PLCB1: variants seen among roughly 807,000 people sequenced by gnomAD.
The protein encoded by PLCB1 is 1-phosphatidylinositol 4,5-bisphosphate phosphodiesterase beta-1.
PLCB1 carries 46 observed loss-of-function variants against 161.8 expected under a neutral mutation model. That is an observed-to-expected ratio of 0.28 (90% CI 0.22 to 0.36). The LOEUF (loss-of-function observed/expected upper bound fraction) is 0.36, where lower values mean the gene tolerates loss of function less well. PLCB1 is among the 10% of genes least tolerant of loss of function. PLCB1 has a pLI of 1.00. For missense variants in PLCB1, 1,016 were observed against 1,472.5 expected (o/e 0.69, Z 5.07); for synonymous variants, 517 against 503.7 (o/e 1.03, Z -0.35).
intron 31 of PLCB1, among the ~76,000 whole-genome samples, chr20:8,838,017 G>A (rs1986355841): frequency 2.0e-5 from 3 of 151,556 alleles, no homozygotes; most frequent in Admixed American, 2.0e-4. Context: ...AAAAGAGATA[G>A]GCTGGTGACT....
At chr20:8,750,212 C>T (rs112266097) in intron 23 of PLCB1, among the ~76,000 whole-genome samples, 1 of 152,164 alleles carries the variant, frequency 6.6e-6, no homozygotes, top group Non-Finnish European at 1.5e-5. Context: ...CACTTGAACC[C>T]ATGCTCCAGT....
In PLCB1 at chr20:8,790,222, C is replaced by A. The variant is rs760705543; in HGVS notation, c.3384C>A (p.His1128Gln). ...GGCAAGAAAAACTCGTAGAGAAACA[C>A]AAGGAAATACGTCAGCAGATCCTGG... ...SKRQEKLVEK[H>Q]KEIRQQILDE... is the part of the protein sequence containing the mutation. Residue 1128 changes from histidine (H) to glutamine (Q), a missense_variant, in exon 31 of 32, where the codon CAC (histidine) becomes CAA (glutamine). Around this residue, in one of 10 missense-constraint regions of PLCB1, gnomAD observed 398 missense variants for 445.4 expected, o/e 0.89. Transcript: ENST00000338037. 1 of 1,612,048 alleles carries A rather than the reference C, an allele frequency of 6.2e-7. No individual in the cohort carries two copies. Among genetic ancestry groups the A allele is most frequent in the Non-Finnish European group, 8.5e-7 (1 of 1,178,666 alleles).
chr20:8,372,896 G>A (rs962911380), intron 3 of PLCB1, among the ~76,000 whole-genome samples: 46 of 152,188 alleles, frequency 3.0e-4, no homozygotes, highest in African/African-American at 1.0e-3. Context: ...CACTGCATCA[G>A]AGCCCTGTTT....
intron 2 of PLCB1, among the ~76,000 whole-genome samples, chr20:8,160,305 C>T (rs61491454): frequency 0.058 from 8,815 of 152,264 alleles, 319 homozygotes; most frequent in South Asian, 0.16. Context: ...ACTGTTCTAA[C>T]CTCTGCTTTT....
intron 2 of PLCB1, among the ~76,000 whole-genome samples, chr20:8,214,671 A>G (rs1979024193): frequency 6.6e-6 from 1 of 151,986 alleles, no homozygotes; most frequent in African/African-American, 2.4e-5. Context: ...CTTTTCCTCC[A>G]TTTAGAACTA....
In PLCB1 at chr20:8,662,062, T is replaced by G. The variant is rs866714790; in HGVS notation, c.862+3358T>G. On this transcript the variant is annotated intron_variant, in intron 9 of 31. Transcript: ENST00000338037. ...ATATAATTATATATAATTATATATT[T>G]ATTATATTTATTATACAGTTATATA... Among the ~76,000 whole-genome samples, 13 of 41,516 alleles carry G rather than the reference T, an allele frequency of 3.1e-4. No homozygotes were observed. In the South Asian group the frequency reaches 0.012, roughly 37 times the overall value. The allele number at this position is 41,516 out of a possible 152,430, so 27.2% of individuals were successfully genotyped here.
chr20:8,276,995 A>C (rs1326217680), intron 2 of PLCB1, among the ~76,000 whole-genome samples: 2,270 of 120,876 alleles, frequency 0.019, 16 homozygotes, highest in East Asian at 0.024. Flanking sequence ...TCTTATTATT[A>C]TTATTATTAT....
At chr20:8,853,804 TCTC>T (rs1465801012) in intron 31 of PLCB1, among the ~76,000 whole-genome samples, 3 of 152,196 alleles carry the variant, frequency 2.0e-5, no homozygotes, top group Admixed American at 6.5e-5. Flanking sequence ...GACGCTTTCT[TCTC>T]CTTCCACAGT....
chr20:8,831,908 CTTTCTCTTTCTTTCTTTCTT>C (rs1568616938), intron 31 of PLCB1, among the ~76,000 whole-genome samples: 52 of 72,038 alleles, frequency 7.2e-4, no homozygotes, highest in African/African-American at 2.2e-3. Context: ...CCCTCTCTTT[CTTTCTCTTTCTTTCTTTCTT>C]TCTTTCTTTC....
At chr20:8,728,719 A>G (rs1980071840) in intron 17 of PLCB1, among the ~76,000 whole-genome samples, 1 of 151,930 alleles carries the variant, frequency 6.6e-6, no homozygotes, top group African/African-American at 2.4e-5. Context: ...ACTTTTTGCT[A>G]CCCCATTGAC....
At chr20:8,334,536 C>T (rs927567565) in intron 2 of PLCB1, among the ~76,000 whole-genome samples, 1 of 152,140 alleles carries the variant, frequency 6.6e-6, no homozygotes, top group African/African-American at 2.4e-5. Context: ...TTACTGAGTG[C>T]CATAATGTAC....
At chr20:8,493,271 T>A (rs533217346) in intron 3 of PLCB1, among the ~76,000 whole-genome samples, 1 of 152,334 alleles carries the variant, frequency 6.6e-6, no homozygotes, top group Non-Finnish European at 1.5e-5. Context: ...TTCTATCATT[T>A]GGCTGAAAAA....
At chr20:8,663,022 G>C (rs1196370797) in intron 9 of PLCB1, among the ~76,000 whole-genome samples, 1 of 152,008 alleles carries the variant, frequency 6.6e-6, no homozygotes, top group Non-Finnish European at 1.5e-5. Flanking sequence ...ACTGTTTTCA[G>C]ATGTGCCCAG....
At chr20:8,573,317 G>A (rs6086506) in intron 3 of PLCB1, among the ~76,000 whole-genome samples, 42,626 of 151,988 alleles carry the variant, frequency 0.28, 6,940 homozygotes, top group Non-Finnish European at 0.36. Flanking sequence ...GATAATGAAT[G>A]GTGAGAAAGG....
At chr20:8,522,938 A>G (rs1158502907) in intron 3 of PLCB1, among the ~76,000 whole-genome samples, 1 of 152,142 alleles carries the variant, frequency 6.6e-6, no homozygotes, top group Admixed American at 6.5e-5. Context: ...AATTAAATCA[A>G]TGCCAGTCAA....
At chr20:8,345,742 T>C (rs1367285611) in intron 2 of PLCB1, among the ~76,000 whole-genome samples, 1 of 152,192 alleles carries the variant, frequency 6.6e-6, no homozygotes, top group African/African-American at 2.4e-5. Context: ...GAATGATTGA[T>C]CTCTAGGGAT....
chr20:8,150,464 C>A, intron 2 of PLCB1, 93 bp downstream of exon 2: 2 of 536,134 alleles, frequency 3.7e-6, no homozygotes, highest in South Asian at 3.5e-5. Flanking sequence ...ACATCCATTT[C>A]ACAGATCTTT....
chr20:8,407,650 A>G (rs938726145), intron 3 of PLCB1, among the ~76,000 whole-genome samples: 31 of 152,286 alleles, frequency 2.0e-4, no homozygotes, highest in African/African-American at 7.2e-4. Flanking sequence ...TCCCTTCCAC[A>G]ATATGTGGGA....
chr20:8,744,616 T>TA (rs1555787573), intron 23 of PLCB1, among the ~76,000 whole-genome samples: 1 of 121,220 alleles, frequency 8.2e-6, no homozygotes, highest in Non-Finnish European at 1.7e-5. Flanking sequence ...AAAAATAAAA[T>TA]AAATAAAATA....
Sources: gnomAD v4.1 joint callset for allele counts (sites outside exome capture counted in the v4.1 genomes callset) on GRCh38, gnomAD v4.1.1 for gene constraint, gnomAD v4.1.1 regional missense constraint, MANE v1.5 for transcripts, NCBI Gene and HGNC (gene_info 2026-07-23, HGNC 2026-07-21) for gene names.